RNF144B: variants seen among roughly 807,000 people sequenced by gnomAD.
The protein encoded by RNF144B is ring finger protein 144B.
RNF144B carries 25 observed loss-of-function variants against 40.2 expected under a neutral mutation model. The observed-to-expected ratio is 0.62, with a 90% CI of 0.45 to 0.87. RNF144B has a LOEUF of 0.87. RNF144B is among the 40% of genes least tolerant of loss of function. The pLI, the probability that RNF144B is intolerant of heterozygous loss-of-function variation, is 0.00. For missense variants in RNF144B, 365 were observed against 373.7 expected, an observed-to-expected ratio of 0.98 and a Z score of 0.19; for synonymous variants, 145 against 136.3, an observed-to-expected ratio of 1.06 and a Z score of -0.44.
At position 18,447,163 on chromosome 6, in the gene RNF144B, G is replaced by C. The variant is rs569200578; in HGVS notation, c.331+7419G>C. On this transcript the variant is annotated intron_variant, in intron 4 of 7. Transcript: ENST00000259939. This position sits in a 1 kb window ranked among gnomAD's most constrained non-coding sequence, Gnocchi z 5.6. The stretch of plus-strand genomic sequence containing the variant: ...GAGATAGATGGGGGAGGCTATTTTG[G>C]ATAGGATTTTTGTGGAAGACCTCTT... Among the ~76,000 whole-genome samples, 2 of 152,058 alleles carry C rather than the reference G, an allele frequency of 1.3e-5. No individual in the cohort carries two copies. The highest frequency in any genetic ancestry group is 6.6e-5 in the Admixed American group (1 of 15,258).
At chr6:18,388,910 A>T (rs933742537) in intron 1 of RNF144B, among the ~76,000 whole-genome samples, 4 of 152,300 alleles carry the variant, frequency 2.6e-5, no homozygotes, top group African/African-American at 9.6e-5. Context: ...CTTGATTAAA[A>T]AAAGGTAAAC....
Position 18,419,317 on chromosome 6 carries a change from C to T in RNF144B, c.166-8264C>T, listed in dbSNP as rs372429889. Among the ~76,000 whole-genome samples the T allele has an allele frequency of 6.6e-6, 1 of 152,036 alleles. No individual in the cohort carries two copies. The highest frequency in any genetic ancestry group is 1.5e-5 in the Non-Finnish European group (1 of 68,022). On this transcript the variant is annotated intron_variant, in intron 2 of 7. Transcript: ENST00000259939. The surrounding 1 kb of genome is among the most constrained non-coding windows in gnomAD (Gnocchi z 4.6). ...CATACCAGGCTTAGATCATTTTCTT[C>T]GGGGGCACTGCTCTCTGCTAGGGAA...
In RNF144B at chr6:18,441,386, C is replaced by T. The variant is rs1054846846; in HGVS notation, c.331+1642C>T. 1.1e-4 allele frequency among the ~76,000 whole-genome samples: 16 copies of T among 152,228 alleles called. No homozygotes were observed. Among genetic ancestry groups the T allele is most frequent in the Middle Eastern group, 6.8e-3 (2 of 294 alleles). The stretch of plus-strand genomic sequence containing the variant: ...GCTTAAATGGTGAGATATGACATAT[C>T]AACCACGTCAGTCCTACTCAGTCAC... On this transcript the variant is annotated intron_variant, in intron 4 of 7. Transcript: ENST00000259939. This position sits in a 1 kb window ranked among gnomAD's most constrained non-coding sequence, Gnocchi z 4.9.
chr6:18,421,619 G>A (rs1758428507), intron 2 of RNF144B, among the ~76,000 whole-genome samples: 2 of 152,238 alleles, frequency 1.3e-5, no homozygotes, highest in South Asian at 4.1e-4. Flanking sequence ...CACGGACACT[G>A]GGTGGAAACA....
In RNF144B at chr6:18,456,917, C is replaced by A. The variant is rs1759340619; in HGVS notation, c.332-238C>A. Among the ~76,000 whole-genome samples, 2 of 152,048 alleles carry A rather than the reference C, an allele frequency of 1.3e-5. No homozygotes were observed. The highest frequency in any genetic ancestry group is 4.8e-5 in the African/African-American group (2 of 41,386). The stretch of plus-strand genomic sequence containing the variant: ...TCTCTACTAAAAATACAAAAATGAG[C>A]CAGGCGTGATGGTGCGCACCTGTAG... On this transcript the variant is annotated intron_variant, in intron 4 of 7. Coordinates refer to ENST00000259939, the MANE Select transcript of RNF144B (RefSeq NM_182757.4). This position sits in a 1 kb window ranked among gnomAD's most constrained non-coding sequence, Gnocchi z 4.7.
rs1759523938 is a variant in RNF144B, at chr6:18,464,033, A to G, written c.771+653A>G. ...TCCTTGACACGTGGGGATTATTACA[A>G]TTCAAGATGAGATTTGGGTGGGGAC... On this transcript the variant is annotated intron_variant, in intron 7 of 7. Coordinates refer to ENST00000259939, the MANE Select transcript of RNF144B (RefSeq NM_182757.4). This position sits in a 1 kb window ranked among gnomAD's most constrained non-coding sequence, Gnocchi z 6.1. Among the ~76,000 whole-genome samples the G allele has an allele frequency of 6.6e-6, 1 of 152,164 alleles. No individual in the cohort carries two copies. Among genetic ancestry groups the G allele is most frequent in the African/African-American group, 2.4e-5 (1 of 41,432 alleles).
At position 18,463,305 on chromosome 6, in the gene RNF144B, C is replaced by T. The variant is rs1435399265; in HGVS notation, c.696C>T (p.Leu232=). The T allele has an allele frequency of 6.2e-7, 1 of 1,601,936 alleles. No homozygotes were observed. Among genetic ancestry groups the T allele is most frequent in the Admixed American group, 1.7e-5 (1 of 59,990 alleles). ...TTATTTTTCAGAATGACATTTTCCT[C>T]AGACATTATGACAAAGGGCCATGCA... ...CLQNLDNDIF[L]RHYDKGPCRN... Residue 232 remains leucine, a synonymous_variant, in exon 7 of 8, where the codon CTC becomes CTT. Coordinates refer to ENST00000259939, the MANE Select transcript of RNF144B (RefSeq NM_182757.4).
chr6:18,459,675 G>T lies in RNF144B; in HGVS notation c.605G>T (p.Arg202Leu). Reference sequence around the variant, plus strand: ...CCAGTTTGCCGGGTTTATATCGAACGCAATGAAGGCTGCGCTCAGATGATG... The same window carrying T: ...CCAGTTTGCCGGGTTTATATCGAACTCAATGAAGGCTGCGCTCAGATGATG... ...QCPVCRVYIE[R>L]NEGCAQMMCK... Residue 202 changes from arginine (R) to leucine (L), a missense_variant, in exon 6 of 8, where the codon CGC becomes CTC. Coordinates refer to ENST00000259939, the MANE Select transcript of RNF144B (RefSeq NM_182757.4). This position sits in a 1 kb window ranked among gnomAD's most constrained non-coding sequence, Gnocchi z 4.2. 2 of 1,614,068 alleles carry T rather than the reference G, an allele frequency of 1.2e-6. No homozygotes were observed. The highest frequency in any genetic ancestry group is 1.1e-5 in the South Asian group (1 of 91,086).
intron 2 of RNF144B, among the ~76,000 whole-genome samples, chr6:18,424,783 T>TAAG (rs3078248): frequency 0.71 from 108,060 of 151,762 alleles, 39,294 homozygotes; most frequent in East Asian, 0.84. Flanking sequence ...CAAATATTTC[T>TAAG]AAGAGCCTTG....
At chr6:18,440,033 A>G (rs1321355181) in intron 4 of RNF144B, among the ~76,000 whole-genome samples, 1 of 152,208 alleles carries the variant, frequency 6.6e-6, no homozygotes, top group Non-Finnish European at 1.5e-5. Context: ...TATAATCACA[A>G]TAATACAAAA....
rs1442610303 is a variant in RNF144B, at chr6:18,464,052, T to G, written c.771+672T>G. Reference sequence around the variant, plus strand: ...ATTACAATTCAAGATGAGATTTGGGTGGGGACACAGCCAAACCATATCAGG... The same window carrying G: ...ATTACAATTCAAGATGAGATTTGGGGGGGGACACAGCCAAACCATATCAGG... On this transcript the variant is annotated intron_variant, in intron 7 of 7. Coordinates refer to ENST00000259939, the MANE Select transcript of RNF144B (RefSeq NM_182757.4). The surrounding 1 kb of genome is among the most constrained non-coding windows in gnomAD (Gnocchi z 6.1). 6.6e-6 allele frequency among the ~76,000 whole-genome samples: 1 copy of G among 152,126 alleles called. No homozygotes were observed. The highest frequency in any genetic ancestry group is 1.5e-5 in the Non-Finnish European group (1 of 68,012).
rs1431797211 is a variant in RNF144B at position 18,456,849 on chromosome 6, G to T, written c.332-306G>T. On this transcript the variant is annotated intron_variant, in intron 4 of 7. Transcript: ENST00000259939. The surrounding 1 kb of genome is among the most constrained non-coding windows in gnomAD (Gnocchi z 4.7). ...AGGCCAAGGTAGGCAGATCACCTGG[G>T]GTCAGGAATTCGAGATCAGCCTGGC... 5.3e-5 allele frequency among the ~76,000 whole-genome samples: 8 copies of T among 152,110 alleles called. No homozygotes were observed. Among genetic ancestry groups the T allele is most frequent in the African/African-American group, 1.9e-4 (8 of 41,402 alleles).
At chr6:18,455,846 T>G (rs1025258128) in intron 4 of RNF144B, among the ~76,000 whole-genome samples, 20 of 152,336 alleles carry the variant, frequency 1.3e-4, no homozygotes, top group African/African-American at 4.8e-4. Flanking sequence ...GCTATTATAA[T>G]GGTCTGTGAA....
chr6:18,453,529 G>T (rs1759261696), intron 4 of RNF144B, among the ~76,000 whole-genome samples: 1 of 151,944 alleles, frequency 6.6e-6, no homozygotes, highest in Non-Finnish European at 1.5e-5. Context: ...TTTTAAAAAA[G>T]CTATGTGGCG....
At position 18,444,666 on chromosome 6, in the gene RNF144B, C is replaced by T. The variant is rs1028072480; in HGVS notation, c.331+4922C>T. On this transcript the variant is annotated intron_variant, in intron 4 of 7. Transcript: ENST00000259939. The surrounding 1 kb of genome is among the most constrained non-coding windows in gnomAD (Gnocchi z 4.3). ...AGAAGGGTTGTGTCATATTGTTCTC[C>T]TTCATTTAAAAAAAAGTGAAATAGG... is the stretch of plus-strand genomic sequence containing the variant. 6.6e-6 allele frequency among the ~76,000 whole-genome samples: 1 copy of T among 151,878 alleles called. No individual in the cohort carries two copies. The highest frequency in any genetic ancestry group is 6.6e-5 in the Admixed American group (1 of 15,236).
Position 18,414,853 on chromosome 6 carries a change from AAC to A in RNF144B, c.166-12726_166-12725del, listed in dbSNP as rs1255910381. On this transcript the variant is annotated intron_variant, in intron 2 of 7. Coordinates refer to ENST00000259939, the MANE Select transcript of RNF144B (RefSeq NM_182757.4). The surrounding 1 kb of genome is among the most constrained non-coding windows in gnomAD (Gnocchi z 4.9). ...TTTAAAAAGATGGAAAAAATTGTACAACAGTTTGTTATGAAACAAGATAAAGA... is the reference window on the plus strand; with the variant it reads ...TTTAAAAAGATGGAAAAAATTGTACAAGTTTGTTATGAAACAAGATAAAGA... Among the ~76,000 whole-genome samples, 2 of 152,224 alleles carry A rather than the reference AAC, an allele frequency of 1.3e-5. No individual in the cohort carries two copies. The highest frequency in any genetic ancestry group is 2.9e-5 in the Non-Finnish European group (2 of 68,032).
chr6:18,407,984 CTTTTTTT>C (rs370801682), intron 2 of RNF144B, among the ~76,000 whole-genome samples: 12 of 133,602 alleles, frequency 9.0e-5, no homozygotes, highest in South Asian at 4.7e-4. Flanking sequence ...CTTTCTTTTT[CTTTTTTT>C]TTTTTTTTTT....
chr6:18,424,625 G>A, intron 2 of RNF144B, among the ~76,000 whole-genome samples: 1 of 152,142 alleles, frequency 6.6e-6, no homozygotes, highest in East Asian at 1.9e-4. Flanking sequence ...TACATTATTA[G>A]TAAGAGGCAC....
At chr6:18,453,658 G>C (rs6939738) in intron 4 of RNF144B, among the ~76,000 whole-genome samples, 44,872 of 152,036 alleles carry the variant, frequency 0.3, 7,711 homozygotes, top group East Asian at 0.51. Flanking sequence ...GTTTTCTACA[G>C]GATACTGTAT....
Sources: allele counts gnomAD v4.1 joint callset (sites outside exome capture counted in the v4.1 genomes callset), GRCh38; gene constraint gnomAD v4.1.1; non-coding constraint Gnocchi (gnomAD v3.1); transcripts MANE v1.5; gene names NCBI Gene and HGNC (gene_info 2026-07-23, HGNC 2026-07-21).